Variants in MICAL3 observed in about 807,000 individuals in gnomAD.
MICAL3 encodes the protein microtubule associated monooxygenase, calponin and LIM domain containing 3.
MICAL3 carries 62 observed loss-of-function variants against 207.4 expected under a neutral mutation model. The observed-to-expected ratio is 0.30, with a 90% CI of 0.24 to 0.37. The LOEUF (loss-of-function observed/expected upper bound fraction) is 0.37, where lower values mean the gene tolerates loss of function less well. MICAL3 is among the 10% of genes least tolerant of loss of function. The pLI is 1.00. For synonymous variants in MICAL3, 1,077 were observed against 1,069.3 expected, an observed-to-expected ratio of 1.01 and a Z score of -0.14; for missense variants, 2,368 against 2,635.6, an observed-to-expected ratio of 0.90 and a Z score of 2.22.
At chr22:18,002,715 TCA>T (rs1277106437) in intron 1 of MICAL3, among the ~76,000 whole-genome samples, 18 of 152,292 alleles carry the variant, frequency 1.2e-4, no homozygotes, top group African/African-American at 4.3e-4. Context: ...ACCCTCGGCC[TCA>T]GTTTCATCAT....
chr22:17,910,733 T>C (rs1213987071), intron 1 of MICAL3, among the ~76,000 whole-genome samples: 1 of 152,204 alleles, frequency 6.6e-6, no homozygotes, highest in Non-Finnish European at 1.5e-5. Flanking sequence ...GGGCTGGGCC[T>C]GTCTCACTCT....
chr22:17,885,273 A>G (rs1326477892), intron 16 of MICAL3, among the ~76,000 whole-genome samples: 1 of 152,262 alleles, frequency 6.6e-6, no homozygotes, highest in East Asian at 1.9e-4. Context: ...ACGCTTATCC[A>G]AAGATGAGAA....
intron 1 of MICAL3, among the ~76,000 whole-genome samples, chr22:17,935,488 C>G (rs146246534): frequency 0.013 from 2,000 of 152,264 alleles, 27 homozygotes; most frequent in Non-Finnish European, 0.017. Flanking sequence ...AGAAGAAAAC[C>G]TAGGCAATAT....
chr22:17,817,022 A>C (rs1409565631), intron 26 of MICAL3, among the ~76,000 whole-genome samples: 1 of 127,962 alleles, frequency 7.8e-6, no homozygotes, highest in Non-Finnish European at 1.7e-5. Flanking sequence ...TCCTGGTAGC[A>C]CTGCCCTCTG....
chr22:17,823,607 T>TTC (rs3078896), intron 22 of MICAL3, among the ~76,000 whole-genome samples: 141,821 of 152,270 alleles, frequency 0.93, 66,177 homozygotes, highest in East Asian at 1. Context: ...ACACCTAAAA[T>TTC]TGTTTCATGC....
intron 1 of MICAL3, among the ~76,000 whole-genome samples, chr22:17,941,697 T>C (rs1933814583): frequency 6.6e-6 from 1 of 152,236 alleles, no homozygotes; most frequent in Admixed American, 6.5e-5. Flanking sequence ...TTTACTATAC[T>C]GTGAGGTTAG....
At chr22:17,931,715 A>T (rs1181931806) in intron 1 of MICAL3, among the ~76,000 whole-genome samples, 1 of 152,236 alleles carries the variant, frequency 6.6e-6, no homozygotes, top group African/African-American at 2.4e-5. Flanking sequence ...TCACAGATCC[A>T]GCCTGTGGCA....
At chr22:17,901,132 T>C in intron 5 of MICAL3, 135 bp from the exon 6 acceptor site, 1 of 775,006 alleles carries the variant, frequency 1.3e-6, no homozygotes, top group Non-Finnish European at 2.1e-6. Context: ...AGGGCAGCTC[T>C]TCTGCAGATG....
At chr22:17,890,288 T>A (rs1422940851) in intron 12 of MICAL3, among the ~76,000 whole-genome samples, 1 of 152,062 alleles carries the variant, frequency 6.6e-6, no homozygotes, top group African/African-American at 2.4e-5. Context: ...TGCCGCGCTG[T>A]CCCTGTGCTG....
rs1385431930 is a variant in MICAL3, at chr22:17,788,931, G to A, written c.*1801C>T. On this transcript the variant is annotated 3_prime_UTR_variant, in exon 32 of 32. Transcript: ENST00000441493. ...CTGCTCCCAGCTGGCCCCAGCCCAC[G>A]GAGGCGGCAGGCGGCTGGAGCGCCC... 6.6e-6 allele frequency: 1 copy of A among 152,492 alleles called. No homozygotes were observed. Among genetic ancestry groups the A allele is most frequent in the Non-Finnish European group, 1.5e-5 (1 of 68,218 alleles). The allele number at this position is 152,492 out of a possible 1,614,324, so 9.4% of individuals were successfully genotyped here.
At chr22:17,813,023 A>G (rs1388899794) in intron 27 of MICAL3, 1 of 152,212 alleles carries the variant, frequency 6.6e-6, no homozygotes, top group Non-Finnish European at 1.5e-5. Flanking sequence ...TCTCAGAGAC[A>G]GACGCAGCAA....
chr22:17,883,226 C>G (rs1929590165), intron 16 of MICAL3, among the ~76,000 whole-genome samples: 1 of 152,144 alleles, frequency 6.6e-6, no homozygotes, highest in African/African-American at 2.4e-5. Context: ...TTTCAGAAGA[C>G]CTCCCTCATG....
In MICAL3 at chr22:17,841,918, T is replaced by C. The variant is rs1391742751; in HGVS notation, c.2705A>G (p.Gln902Arg). 1 of 1,598,022 alleles carries C rather than the reference T, an allele frequency of 6.3e-7. No individual in the cohort carries two copies. Among genetic ancestry groups the C allele is most frequent in the South Asian group, 1.1e-5 (1 of 88,436 alleles). ...CGGTACCTCCTGCAGTGCCTCAGCCTGCCTCAGGGACAGGCGGTAGTTCTC... is the reference window on the plus strand; with the variant it reads ...CGGTACCTCCTGCAGTGCCTCAGCCCGCCTCAGGGACAGGCGGTAGTTCTC... ...ELENYRLSLR[Q>R]AEALQEVPEE... The change falls in exon 20 of 32, where the codon CAG becomes CGG. Residue 902 changes from glutamine to arginine, a missense_variant. Gln to Arg is a conservative substitution (Grantham distance 43). This residue lies in a region of MICAL3 where 1,770 missense variants were observed against 1,863.2 expected (regional missense o/e 0.95). Coordinates refer to ENST00000441493, the MANE Select transcript of MICAL3 (RefSeq NM_015241.3). The surrounding 1 kb of genome is among the most constrained non-coding windows in gnomAD (Gnocchi z 4.2).
At chr22:17,840,136 T>G (rs985719878) in intron 20 of MICAL3, 1 of 151,474 alleles carries the variant, frequency 6.6e-6, no homozygotes, top group Non-Finnish European at 1.5e-5. Context: ...CAGGCTGGAG[T>G]GCAGTGGTGC....
intron 1 of MICAL3, among the ~76,000 whole-genome samples, chr22:17,957,240 G>GC (rs1236923581): frequency 6.6e-6 from 1 of 152,306 alleles, no homozygotes; most frequent in Admixed American, 6.5e-5. Context: ...GCTTTAGCTG[G>GC]CAAGTCCAGG....
chr22:17,916,306 A>G (rs1193101417), intron 1 of MICAL3, among the ~76,000 whole-genome samples: 1 of 151,784 alleles, frequency 6.6e-6, no homozygotes, highest in Non-Finnish European at 1.5e-5. Context: ...CCCCGTTCTT[A>G]CTCAAGCATG....
rs761141843 is a variant in MICAL3, at chr22:17,796,847, G to A, written c.5651-5546C>T. On this transcript the variant is annotated intron_variant, in intron 29 of 31. Transcript: ENST00000441493. The surrounding 1 kb of genome is among the most constrained non-coding windows in gnomAD (Gnocchi z 4.4). Reference sequence around the variant, plus strand: ...CTACCACCTGGCCCTTGGCGCACCCGAGCACCTCACTCCAGGCCCTGCCTC... The same window carrying A: ...CTACCACCTGGCCCTTGGCGCACCCAAGCACCTCACTCCAGGCCCTGCCTC... 2.0e-5 allele frequency among the ~76,000 whole-genome samples: 3 copies of A among 152,280 alleles called. No homozygotes were observed. Among genetic ancestry groups the A allele is most frequent in the East Asian group, 1.9e-4 (1 of 5,176 alleles).
chr22:17,908,663 C>T (rs1195819646), intron 1 of MICAL3, among the ~76,000 whole-genome samples: 2 of 152,228 alleles, frequency 1.3e-5, no homozygotes, highest in African/African-American at 4.8e-5. Context: ...ACAGCACTTG[C>T]TCCTGGTGCT....
At chr22:17,873,772 G>T (rs1338439464) in intron 16 of MICAL3, among the ~76,000 whole-genome samples, 5 of 152,234 alleles carry the variant, frequency 3.3e-5, no homozygotes, top group Admixed American at 3.3e-4. Flanking sequence ...CACCTAAGCT[G>T]GGTGCCCAGG....
Sources: gnomAD v4.1 joint callset for allele counts (sites outside exome capture counted in the v4.1 genomes callset) on GRCh38, gnomAD v4.1.1 for gene constraint, gnomAD v4.1.1 regional missense constraint, Gnocchi (gnomAD v3.1) non-coding constraint, MANE v1.5 for transcripts, NCBI Gene and HGNC (gene_info 2026-07-23, HGNC 2026-07-21) for gene names.